The following ABCB11 variants were observed in gnomAD, a reference collection of about 807,000 sequenced individuals.
ABCB11 encodes ATP binding cassette subfamily B member 11.
ABCB11 carries 95 observed loss-of-function variants against 148.0 expected under a neutral mutation model. The observed-to-expected ratio is 0.64, with a 90% CI of 0.54 to 0.76. ABCB11 has a LOEUF of 0.76. Among genes scored for constraint, ABCB11 ranks in the 30% least tolerant of loss-of-function variants. The probability of loss-of-function intolerance (pLI) is 0.00; values close to 1 mark genes in which losing one functional copy is unlikely to be tolerated. For synonymous variants in ABCB11, 591 were observed against 555.4 expected (o/e 1.06, Z -0.90); for missense variants, 1,523 against 1,617.8 (o/e 0.94, Z 1.01).
rs1227310041 is a variant in ABCB11 at position 168,976,810 on chromosome 2, CTGTTT to C, written c.1198-128_1198-124del. On this transcript the variant is annotated intron_variant, in intron 11 of 27. Transcript: ENST00000650372. ...TGCAATGTTTTATCTGGTTGTTGCTCTGTTTTATGAGTAAATTCAAATGAAGATGT... is the reference window on the plus strand; with the variant it reads ...TGCAATGTTTTATCTGGTTGTTGCTCTATGAGTAAATTCAAATGAAGATGT... 6 of 574,802 alleles carry C rather than the reference CTGTTT, an allele frequency of 1.0e-5. No homozygotes were observed. The East Asian group carries it at 1.8e-4, about 17-fold the overall frequency. The allele number at this position is 574,802 out of a possible 1,614,324, so 35.6% of individuals were successfully genotyped here.
chr2:168,917,036 T>C (rs1690954016), downstream of ABCB11, among the ~76,000 whole-genome samples: 1 of 152,204 alleles, frequency 6.6e-6, no homozygotes, highest in Non-Finnish European at 1.5e-5. Flanking sequence ...TTTCAGAATA[T>C]AGTATTAAAA....
intron 1 of ABCB11, among the ~76,000 whole-genome samples, chr2:169,020,550 G>A (rs1257518640): frequency 6.6e-6 from 1 of 152,102 alleles, no homozygotes; most frequent in Non-Finnish European, 1.5e-5. Context: ...TACGGTAAAT[G>A]TATGTAGATT....
intron 2 of ABCB11, among the ~76,000 whole-genome samples, chr2:169,017,215 C>A (rs940656694): frequency 1.3e-5 from 2 of 151,212 alleles, no homozygotes; most frequent in Admixed American, 1.3e-4. Flanking sequence ...AAATATAGAC[C>A]ACAAATTAAC....
rs1166356679 is a variant in ABCB11, at chr2:169,029,724, C to CTTTTTT, written c.-28+1495_-28+1500dup. On this transcript the variant is annotated intron_variant, in intron 1 of 27. Transcript: ENST00000650372. Reference sequence around the variant, plus strand: ...GTCTCTAAATGTACAGTTCTTTCCTCTTTTTTTTTTTTTTTTTTTTTTTTT... The same window carrying CTTTTTT: ...GTCTCTAAATGTACAGTTCTTTCCTCTTTTTTTTTTTTTTTTTTTTTTTTTTTTTTT... 1.2e-3 allele frequency among the ~76,000 whole-genome samples: 106 copies of CTTTTTT among 88,290 alleles called. 14 individuals are homozygous for CTTTTTT. The highest frequency in any genetic ancestry group is 4.2e-3 in the African/African-American group (74 of 17,422). The allele number at this position is 88,290 out of a possible 152,430, so 57.9% of individuals were successfully genotyped here. A position where few individuals can be genotyped will look rare whatever the true frequency, so the allele number is the denominator to read the frequency against.
chr2:168,953,176 A>C (rs1692642919), intron 19 of ABCB11, among the ~76,000 whole-genome samples: 1 of 151,660 alleles, frequency 6.6e-6, no homozygotes, highest in Non-Finnish European at 1.5e-5. Flanking sequence ...AAGACTGTAC[A>C]TTCTGTAGTT....
intron 21 of ABCB11, among the ~76,000 whole-genome samples, chr2:168,941,209 A>G (rs1692046905): frequency 6.6e-6 from 1 of 151,998 alleles, no homozygotes; most frequent in Non-Finnish European, 1.5e-5. Context: ...TGGGCAAAGT[A>G]AATTGAAAAC....
At chr2:168,917,458 A>G (rs1690962281), downstream of ABCB11, among the ~76,000 whole-genome samples, 1 of 152,190 alleles carries the variant, frequency 6.6e-6, no homozygotes, top group African/African-American at 2.4e-5. Context: ...AGCTAATATG[A>G]CCATTTTTAA....
intron 5 of ABCB11, among the ~76,000 whole-genome samples, chr2:169,011,383 C>T (rs1430996828): frequency 6.6e-6 from 1 of 152,154 alleles, no homozygotes; most frequent in African/African-American, 2.4e-5. Context: ...TGTCCTCCCG[C>T]ATAAATGAAG....
chr2:168,944,858 T>C lies in ABCB11; in HGVS notation c.2447A>G (p.Gln816Arg). ...GCVSLFTQFL[Q>R]GYAFAKSGEL... ...TTACTGAAAAATAACATTTCTTACC[T>C]GTAGAAATTGGGTGAAAAGAGATAC... Residue 816 changes from glutamine to arginine, a missense_variant and splice_region_variant, in exon 20 of 28, where the codon CAG becomes CGG. Gln to Arg is a conservative substitution (Grantham distance 43). Transcript: ENST00000650372. The C allele has an allele frequency of 6.3e-7, 1 of 1,591,742 alleles. No homozygotes were observed. Among genetic ancestry groups the C allele is most frequent in the Non-Finnish European group, 8.6e-7 (1 of 1,167,832 alleles).
chr2:168,920,884 T>C lies in ABCB11; in HGVS notation c.*2738A>G, dbSNP rs1397534240. Among the ~76,000 whole-genome samples the C allele has an allele frequency of 6.6e-6, 1 of 152,244 alleles. No individual in the cohort carries two copies. Among genetic ancestry groups the C allele is most frequent in the Non-Finnish European group, 1.5e-5 (1 of 68,038 alleles). ...TATTTCCCCAATTTCAAGCCCTCTTTAGACAATCTTTTCCCTGTCATCAAT... is the reference window on the plus strand; with the variant it reads ...TATTTCCCCAATTTCAAGCCCTCTTCAGACAATCTTTTCCCTGTCATCAAT... On this transcript the variant is annotated 3_prime_UTR_variant, in exon 28 of 28. Transcript: ENST00000650372.
chr2:168,957,478 TTC>T (rs1692850940), intron 19 of ABCB11, among the ~76,000 whole-genome samples: 2 of 151,836 alleles, frequency 1.3e-5, no homozygotes, highest in East Asian at 3.9e-4. Context: ...CTTATTTTAC[TTC>T]TGTCTTTCTT....
At chr2:168,938,000 A>G (rs1691904006) in intron 21 of ABCB11, among the ~76,000 whole-genome samples, 1 of 152,208 alleles carries the variant, frequency 6.6e-6, no homozygotes, top group Non-Finnish European at 1.5e-5. Context: ...CAATTACATC[A>G]CTTCTTTTTA....
rs1269095828 is a variant in ABCB11, at chr2:168,927,322, A to T, written c.3452T>A (p.Phe1151Tyr). 6.2e-7 allele frequency: 1 copy of T among 1,613,882 alleles called. No homozygotes were observed. Among genetic ancestry groups the T allele is most frequent in the Non-Finnish European group, 8.5e-7 (1 of 1,179,810 alleles). The change falls in exon 26 of 28, where the codon TTC becomes TAC. Residue 1151 changes from phenylalanine to tyrosine, a missense_variant. By Grantham distance (22) the Phe-to-Tyr change is conservative (BLOSUM62 3). Coordinates refer to ENST00000650372, the MANE Select transcript of ABCB11 (RefSeq NM_003742.4). ...AACAATTCCAATGTTTGAGCGGAGG[A>T]ACTGGACATTTACTTTTTTGCTGTC... ...GHDSKKVNVQ[F>Y]LRSNIGIVSQ...
chr2:168,977,122 T>C (rs1055221494), intron 11 of ABCB11, among the ~76,000 whole-genome samples: 8 of 148,600 alleles, frequency 5.4e-5, no homozygotes, highest in Non-Finnish European at 8.9e-5. Flanking sequence ...AATACATATG[T>C]TGTATTAATA....
rs182677313 is a variant in ABCB11 at position 169,022,994 on chromosome 2, G to A, written c.-27-4842C>T. Among the ~76,000 whole-genome samples the A allele has an allele frequency of 5.0e-3, 753 of 152,006 alleles. 5 individuals carry two copies. The highest frequency in any genetic ancestry group is 0.017 in the African/African-American group (713 of 41,462). ...TTGCAACCCTAATGAATAAATTTGG[G>A]GTAATGATCAGCAGTGAATACTAAA... On this transcript the variant is annotated intron_variant, in intron 1 of 27. Transcript: ENST00000650372.
chr2:169,024,089 C>G (rs564765263), intron 1 of ABCB11, among the ~76,000 whole-genome samples: 28 of 152,164 alleles, frequency 1.8e-4, no homozygotes, highest in African/African-American at 6.5e-4. Flanking sequence ...CTAACGCATG[C>G]CGGGCTTAAT....
intron 1 of ABCB11, among the ~76,000 whole-genome samples, chr2:169,029,724 CTTTTTT>C (rs1166356679): frequency 5.7e-5 from 5 of 88,300 alleles, no homozygotes; most frequent in African/African-American, 1.7e-4. Context: ...GTTCTTTCCT[CTTTTTT>C]TTTTTTTTTT....
In ABCB11 at chr2:168,962,389, G is replaced by T. The variant is rs75613748; in HGVS notation, c.2178+1817C>A. On this transcript the variant is annotated intron_variant, in intron 18 of 27. Transcript: ENST00000650372. ...AAAACTAGACCGTATATTAGATTTA[G>T]ATTTCCTTTTAGTTAAATGGTTCCC... Among the ~76,000 whole-genome samples, 715 of 151,742 alleles carry T rather than the reference G, an allele frequency of 4.7e-3. 4 individuals are homozygous for T. The highest frequency in any genetic ancestry group is 0.016 in the African/African-American group (679 of 41,476).
chr2:169,017,873 T>C, intron 2 of ABCB11, 177 bp downstream of exon 2: 1 of 765,064 alleles, frequency 1.3e-6, no homozygotes, highest in South Asian at 1.4e-5. Flanking sequence ...TGCTTTCAGA[T>C]ATTACGTTAC....
Sources: gnomAD v4.1 joint callset for allele counts (sites outside exome capture counted in the v4.1 genomes callset) on GRCh38, gnomAD v4.1.1 for gene constraint, MANE v1.5 for transcripts, NCBI Gene and HGNC (gene_info 2026-07-23, HGNC 2026-07-21) for gene names.